RIC1: variants seen among roughly 807,000 people sequenced by gnomAD.
RIC1 encodes the protein guanine nucleotide exchange factor subunit RIC1.
RIC1 carries 88 observed loss-of-function variants against 169.0 expected under a neutral mutation model. The ratio of observed to expected loss-of-function variants is 0.52; its 90% CI spans 0.44 to 0.62. The LOEUF is 0.62. Ranked by LOEUF, RIC1 falls within the 20% of genes least tolerant of loss-of-function variation. RIC1 has a pLI of 0.00. For missense variants in RIC1, 1,877 were observed against 1,725.5 expected (o/e 1.09, Z -1.56); for synonymous variants, 790 against 601.5 (o/e 1.31, Z -4.59).
intron 1 of RIC1, among the ~76,000 whole-genome samples, chr9:5,653,683 C>T (rs1249919570): frequency 6.6e-6 from 1 of 151,810 alleles, no homozygotes; most frequent in African/African-American, 2.4e-5. Flanking sequence ...CTGCAGCCTC[C>T]GTCTCCTGGG....
chr9:5,736,340 A>C (rs1172531434), intron 7 of RIC1, among the ~76,000 whole-genome samples: 2 of 152,246 alleles, frequency 1.3e-5, no homozygotes, highest in African/African-American at 4.8e-5. Context: ...TACAGCCAAG[A>C]AAACGGACAA....
intron 1 of RIC1, among the ~76,000 whole-genome samples, chr9:5,631,159 T>C (rs1362329676): frequency 6.6e-6 from 1 of 152,206 alleles, no homozygotes; most frequent in African/African-American, 2.4e-5. Flanking sequence ...TAAGCATGTC[T>C]ATTGTTTGGT....
chr9:5,721,152 A>G (rs1440976890), intron 6 of RIC1, among the ~76,000 whole-genome samples: 1 of 152,018 alleles, frequency 6.6e-6, no homozygotes, highest in African/African-American at 2.4e-5. Context: ...TATTCTTCTC[A>G]TGTTCCCATT....
chr9:5,738,331 T>C (rs763449187), intron 7 of RIC1, 119 bp from the exon 8 acceptor site: 87 of 667,744 alleles, frequency 1.3e-4, no homozygotes, highest in Non-Finnish European at 1.9e-4. Context: ...TGCAACTTAT[T>C]GACAAAGTGG....
At chr9:5,700,928 A>G (rs1822176083) in intron 3 of RIC1, among the ~76,000 whole-genome samples, 1 of 152,206 alleles carries the variant, frequency 6.6e-6, no homozygotes, top group Non-Finnish European at 1.5e-5. Flanking sequence ...ATAATTTCCT[A>G]CTGCTTCCCT....
chr9:5,667,707 G>A (rs528593014), intron 2 of RIC1, among the ~76,000 whole-genome samples: 77 of 152,090 alleles, frequency 5.1e-4, no homozygotes, highest in South Asian at 8.3e-4. Flanking sequence ...ATCTCACTAC[G>A]TTGGCCAGGC....
intron 13 of RIC1, 91 bp from the exon 14 acceptor site, chr9:5,753,445 T>C: frequency 1.2e-6 from 1 of 860,420 alleles, no homozygotes; most frequent in Non-Finnish European, 1.8e-6. Flanking sequence ...ATTTATTAAT[T>C]GTCTGTTTGC....
At chr9:5,761,527 A>G (rs1826340508) in intron 17 of RIC1, among the ~76,000 whole-genome samples, 1 of 152,126 alleles carries the variant, frequency 6.6e-6, no homozygotes, top group Non-Finnish European at 1.5e-5. Flanking sequence ...TTCAAATTAA[A>G]TGAGCCAAAA....
At chr9:5,690,723 GAAA>G (rs982152650) in intron 3 of RIC1, among the ~76,000 whole-genome samples, 1 of 151,130 alleles carries the variant, frequency 6.6e-6, no homozygotes, top group African/African-American at 2.4e-5. Context: ...AATATTAACA[GAAA>G]AAAAGAAAAA....
At chr9:5,746,528 C>T (rs2381369) in intron 11 of RIC1, among the ~76,000 whole-genome samples, 53,204 of 151,734 alleles carry the variant, frequency 0.35, 9,823 homozygotes, top group East Asian at 0.58. Context: ...TTAAATATGC[C>T]ATTGTGCATC....
chr9:5,633,521 C>A (rs1817822146), intron 1 of RIC1, among the ~76,000 whole-genome samples: 1 of 152,236 alleles, frequency 6.6e-6, no homozygotes, highest in Non-Finnish European at 1.5e-5. Context: ...TCATTCTTTA[C>A]CTACCGTAAC....
chr9:5,762,474 TGG>T, intron 17 of RIC1, 65 bp from the exon 18 acceptor site: 1 of 1,579,352 alleles, frequency 6.3e-7, no homozygotes, highest in Non-Finnish European at 8.7e-7. Flanking sequence ...CCTTATGGAT[TGG>T]GGGGAGATGC....
chr9:5,753,474 C>T, intron 13 of RIC1, 62 bp from the exon 14 acceptor site: 1 of 1,037,692 alleles, frequency 9.6e-7, no homozygotes, highest in Non-Finnish European at 1.4e-6. Context: ...ATACTAAGCT[C>T]TTTATGCCTA....
intron 8 of RIC1, among the ~76,000 whole-genome samples, chr9:5,742,571 A>G (rs1175954497): frequency 6.6e-6 from 1 of 152,106 alleles, no homozygotes; most frequent in Non-Finnish European, 1.5e-5. Flanking sequence ...TGATTTATAC[A>G]AAGCCAAAGA....
intron 25 of RIC1, 90 bp from the exon 26 acceptor site, chr9:5,773,868 A>G (rs756511401): frequency 5.7e-6 from 7 of 1,238,182 alleles, no homozygotes; most frequent in Non-Finnish European, 7.9e-6. Flanking sequence ...CGTCTTTACC[A>G]TATCAATGTT....
intron 2 of RIC1, among the ~76,000 whole-genome samples, chr9:5,686,161 AG>A (rs2130683258): frequency 6.6e-6 from 1 of 151,366 alleles, no homozygotes; most frequent in South Asian, 2.1e-4. Context: ...AAATAGGAAC[AG>A]TTTTACACTG....
chr9:5,681,936 C>G (rs942968190), intron 2 of RIC1, among the ~76,000 whole-genome samples: 6 of 152,102 alleles, frequency 3.9e-5, no homozygotes, highest in African/African-American at 1.4e-4. Context: ...CTCTTTTGAT[C>G]TTTGTTGGTT....
chr9:5,637,740 A>G (rs1362535705), intron 1 of RIC1, among the ~76,000 whole-genome samples: 1 of 152,210 alleles, frequency 6.6e-6, no homozygotes, highest in African/African-American at 2.4e-5. Context: ...TGCTTATTGC[A>G]CTTAACATAA....
intron 2 of RIC1, among the ~76,000 whole-genome samples, chr9:5,675,146 C>A (rs1401049680): frequency 6.6e-6 from 1 of 152,162 alleles, no homozygotes; most frequent in African/African-American, 2.4e-5. Context: ...CCCCTCTTGG[C>A]TAGGGTTAGA....
Sources: allele counts gnomAD v4.1 joint callset (sites outside exome capture counted in the v4.1 genomes callset), GRCh38; gene constraint gnomAD v4.1.1; transcripts MANE v1.5; gene names NCBI Gene and HGNC (gene_info 2026-07-23, HGNC 2026-07-21).